The following SIGLEC10 variants were observed in gnomAD, a reference collection of about 807,000 sequenced individuals.
The protein encoded by SIGLEC10 is sialic acid-binding Ig-like lectin 10.
Under a neutral mutation model 68.3 loss-of-function variants are expected in SIGLEC10, and 45 were observed. The observed-to-expected ratio is 0.66, with a 90% CI of 0.52 to 0.84. The LOEUF (loss-of-function observed/expected upper bound fraction) is 0.84. Ranked by LOEUF, SIGLEC10 falls within the 40% of genes least tolerant of loss-of-function variation. The probability of loss-of-function intolerance (pLI) is 0.00; values close to 1 mark genes in which losing one functional copy is unlikely to be tolerated. For missense variants in SIGLEC10, 789 were observed against 883.1 expected, an observed-to-expected ratio of 0.89 and a Z score of 1.35; for synonymous variants, 379 against 370.8, an observed-to-expected ratio of 1.02 and a Z score of -0.26.
Position 51,417,003 on chromosome 19 carries a change from C to G in SIGLEC10, c.422-53G>C. The stretch of plus-strand genomic sequence containing the variant: ...CTTGTGCTGCAGGGGTCCCTGAGAG[C>G]CCTCTCTGCTCAGCCCATAGGCTGT... On this transcript the variant is annotated intron_variant, in intron 2 of 10. Coordinates refer to ENST00000339313, the MANE Select transcript of SIGLEC10 (RefSeq NM_033130.5). 8.8e-6 allele frequency: 14 copies of G among 1,592,588 alleles called. No homozygotes were observed. The South Asian group carries it at 1.4e-4, about 16-fold the overall frequency.
chr19:51,411,918 G>C (rs1037187265), intron 10 of SIGLEC10, among the ~76,000 whole-genome samples: 10 of 151,978 alleles, frequency 6.6e-5, no homozygotes, highest in African/African-American at 2.4e-4. Flanking sequence ...TGAGGCGGGT[G>C]GATCACCTGA....
At position 51,415,412 on chromosome 19, in the gene SIGLEC10, A is replaced by ACGTGC; in HGVS notation, c.1094_1098dup (p.Ser367AlafsTer26). The ACGTGC allele has an allele frequency of 1.2e-6, 2 of 1,605,796 alleles. No homozygotes were observed. Among genetic ancestry groups the ACGTGC allele is most frequent in the Non-Finnish European group, 1.7e-6 (2 of 1,175,248 alleles). ...CTTTGGCCCTCCAGTACTGGGAGAG[A>ACGTGC]CGTGCCGTTCCCAAGGTTTTCCAGG... On this transcript the variant is annotated frameshift_variant, in exon 7 of 11. Coordinates refer to ENST00000339313, the MANE Select transcript of SIGLEC10 (RefSeq NM_033130.5). LOFTEE classifies it high-confidence loss of function.
chr19:51,410,918 G>A lies in SIGLEC10; in HGVS notation c.*181C>T. On this transcript the variant is annotated 3_prime_UTR_variant, in exon 11 of 11. Transcript: ENST00000339313. ...CCCACCTCAACCTCCCAAAGTGCTG[G>A]GATTACAGGCGTGAGCCACTGTGCC... 1 of 688,418 alleles carries A rather than the reference G, an allele frequency of 1.5e-6. No individual in the cohort carries two copies. The highest frequency in any genetic ancestry group is 2.3e-6 in the Non-Finnish European group (1 of 432,136). The allele number at this position is 688,418 out of a possible 1,614,324, so 42.6% of individuals were successfully genotyped here.
Position 51,410,991 on chromosome 19 carries a change from AAAG to A in SIGLEC10, c.*105_*107del, listed in dbSNP as rs1987945868. 49 of 1,269,902 alleles carry A rather than the reference AAAG, an allele frequency of 3.9e-5. No individual in the cohort carries two copies. In the Middle Eastern group the frequency reaches 1.3e-3, roughly 35 times the overall value. The allele number at this position is 1,269,902 out of a possible 1,614,324, so 78.7% of individuals were successfully genotyped here. Reference sequence around the variant, plus strand: ...GAGAGAGAAAGAGAGAGAGAGAGAGAAAGAGAGAGAGAGAGGGAGAGAAGGAAA... The same window carrying A: ...GAGAGAGAAAGAGAGAGAGAGAGAGAAGAGAGAGAGAGGGAGAGAAGGAAA... On this transcript the variant is annotated 3_prime_UTR_variant, in exon 11 of 11. Transcript: ENST00000339313.
intron 5 of SIGLEC10, 111 bp downstream of exon 5, chr19:51,415,787 C>T (rs924952659): frequency 7.1e-5 from 112 of 1,578,794 alleles, no homozygotes; most frequent in Middle Eastern, 4.7e-4. Flanking sequence ...GTAAGAAGGT[C>T]GGTCTCCGAG....
chr19:51,411,667 G>A (rs11882726), intron 10 of SIGLEC10, among the ~76,000 whole-genome samples: 15,943 of 152,116 alleles, frequency 0.1, 1,271 homozygotes, highest in African/African-American at 0.22. Context: ...CCAACATAGC[G>A]AAACCCTGTC....
chr19:51,412,482 G>C (rs545174330), intron 10 of SIGLEC10, among the ~76,000 whole-genome samples: 16 of 151,740 alleles, frequency 1.1e-4, no homozygotes, highest in African/African-American at 3.6e-4. Flanking sequence ...GGTGGAATTA[G>C]TCTTTTTTTT....
At chr19:51,416,448 T>C in intron 3 of SIGLEC10, 91 bp from the exon 4 acceptor site, 1 of 1,611,308 alleles carries the variant, frequency 6.2e-7, no homozygotes, top group Non-Finnish European at 8.5e-7. Context: ...AGTGGGACTA[T>C]CCCGGGAAGA....
intron 5 of SIGLEC10, 44 bp downstream of exon 5, chr19:51,415,849 ATCCCT>A: frequency 6.2e-7 from 1 of 1,609,510 alleles, no homozygotes; most frequent in Non-Finnish European, 8.5e-7. Context: ...CAGCCCCTGT[ATCCCT>A]CTGCCCTCCC....
chr19:51,413,922 T>C (rs1225879170), intron 9 of SIGLEC10, 99 bp from the exon 10 acceptor site: 21 of 878,268 alleles, frequency 2.4e-5, no homozygotes, highest in Non-Finnish European at 3.4e-5. Context: ...GTTACTACTG[T>C]TACCACTTGA....
At position 51,411,072 on chromosome 19, in the gene SIGLEC10, G is replaced by A. The variant is rs1942472203; in HGVS notation, c.*27C>T. 6.3e-7 allele frequency: 1 copy of A among 1,598,884 alleles called. No homozygotes were observed. ...TACTCTACCTTCCTCCCTAGCCGAA[G>A]TCCCAGTCCTAAAGCCTAAGAGACC... On this transcript the variant is annotated 3_prime_UTR_variant, in exon 11 of 11. Transcript: ENST00000339313.
chr19:51,416,593 G>A (rs750150502), intron 3 of SIGLEC10, 73 bp downstream of exon 3: 1 of 1,603,522 alleles, frequency 6.2e-7, no homozygotes, highest in Admixed American at 1.7e-5. Context: ...GCCGCTCACT[G>A]TCCCACTGGG....
In SIGLEC10 at chr19:51,414,495, T is replaced by C. The variant is rs868527056; in HGVS notation, c.1636A>G (p.Thr546Ala). ...QLPDKKGLIS[T>A]AFSNGAFLGI... ...AGAAACGCTCCGTTGGAGAATGCCG[T>C]TGAGATGAGTCCCTTCTTATCTGCA... is the stretch of plus-strand genomic sequence containing the variant. The change falls in exon 9 of 11, where the codon ACG becomes GCG. Residue 546 changes from threonine to alanine, a missense_variant. Physicochemically the swap from Thr to Ala is moderately conservative, Grantham distance 58 (BLOSUM62 0). Coordinates refer to ENST00000339313, the MANE Select transcript of SIGLEC10 (RefSeq NM_033130.5). This position sits in a 1 kb window ranked among gnomAD's most constrained non-coding sequence, Gnocchi z 4.1. 1.2e-6 allele frequency: 2 copies of C among 1,613,890 alleles called. No individual in the cohort carries two copies. Among genetic ancestry groups the C allele is most frequent in the Middle Eastern group, 3.3e-4 (2 of 6,062 alleles).
Position 51,415,067 on chromosome 19 carries a change from C to T in SIGLEC10, c.1372G>A (p.Glu458Lys), listed in dbSNP as rs1239247707. The change falls in exon 8 of 11, where the codon GAG becomes AAG. Residue 458 changes from glutamate to lysine, a missense_variant. Physicochemically the swap from Glu to Lys is moderately conservative, Grantham distance 56. Transcript: ENST00000339313. The part of the protein sequence containing the change: ...LLGPSCSWEA[E>K]GLHCSCSSQA... ...GAGGAGCAGCTGCAGTGCAGACCCT[C>T]AGCCTCCCAGGAGCAGGAGGGGCCC... is the stretch of plus-strand genomic sequence containing the variant. 6.3e-7 allele frequency: 1 copy of T among 1,587,320 alleles called. No individual in the cohort carries two copies. Among genetic ancestry groups the T allele is most frequent in the Non-Finnish European group, 8.6e-7 (1 of 1,167,858 alleles).
rs1254318289 is a variant in SIGLEC10, at chr19:51,410,869, G to A, written c.*230C>T. On this transcript the variant is annotated 3_prime_UTR_variant, in exon 11 of 11. Transcript: ENST00000339313. ...TCACCAAGTTGGCCAGGCTGGTCTC[G>A]AACTCCCGACCTCAGGCGATCTGCC... is the stretch of plus-strand genomic sequence containing the variant. 2.5e-5 allele frequency: 11 copies of A among 440,656 alleles called. No individual in the cohort carries two copies. The highest frequency in any genetic ancestry group is 3.7e-5 in the Admixed American group (1 of 27,088). The allele number at this position is 440,656 out of a possible 1,614,324, so 27.3% of individuals were successfully genotyped here.
rs1202925158 is a variant in SIGLEC10 at position 51,416,902 on chromosome 19, C to G, written c.470G>C (p.Gly157Ala). The G allele has an allele frequency of 6.2e-7, 1 of 1,613,958 alleles. No individual in the cohort carries two copies. The highest frequency in any genetic ancestry group is 8.5e-7 in the Non-Finnish European group (1 of 1,179,992). The change falls in exon 3 of 11, where the codon GGG (glycine) becomes GCG (alanine). Residue 157 changes from glycine to alanine, a missense_variant. Gly to Ala is a moderately conservative substitution (Grantham distance 60). Transcript: ENST00000339313. ...DVYIPETLEP[G>A]QPVTVICVFN... ...CACACAGATGACCGTCACCGGCTGC[C>G]CGGGCTCCAGGGTCTCGGGGATGTA...
chr19:51,414,736 C>G lies in SIGLEC10; in HGVS notation c.1615+88G>C. ...GATGCCACGGGTCTGCTGTGTCCCT[C>G]CAAGCTCCTGCTCCAACCACAGGAC... On this transcript the variant is annotated intron_variant, in intron 8 of 10. Coordinates refer to ENST00000339313, the MANE Select transcript of SIGLEC10 (RefSeq NM_033130.5). This position sits in a 1 kb window ranked among gnomAD's most constrained non-coding sequence, Gnocchi z 4.1. 6.3e-7 allele frequency: 1 copy of G among 1,585,712 alleles called. No individual in the cohort carries two copies. Among genetic ancestry groups the G allele is most frequent in the Non-Finnish European group, 8.6e-7 (1 of 1,165,838 alleles).
chr19:51,414,120 G>A lies in SIGLEC10; in HGVS notation c.1710-297C>T, dbSNP rs1007678450. Among the ~76,000 whole-genome samples the A allele has an allele frequency of 6.6e-6, 1 of 152,184 alleles. No homozygotes were observed. The highest frequency in any genetic ancestry group is 2.4e-5 in the African/African-American group (1 of 41,444). On this transcript the variant is annotated intron_variant, in intron 9 of 10. Coordinates refer to ENST00000339313, the MANE Select transcript of SIGLEC10 (RefSeq NM_033130.5). The surrounding 1 kb of genome is among the most constrained non-coding windows in gnomAD (Gnocchi z 4.1). ...TGGGTAGAAAGAGCAGAGAGCAGGAGGTAACAATTGGTCAGCTGTTTAATT... is the reference window on the plus strand; with the variant it reads ...TGGGTAGAAAGAGCAGAGAGCAGGAAGTAACAATTGGTCAGCTGTTTAATT...
At position 51,415,983 on chromosome 19, in the gene SIGLEC10, C is replaced by T. The variant is rs199590261; in HGVS notation, c.939G>A (p.Val313=). 12,010 of 1,600,040 alleles carry T rather than the reference C, an allele frequency of 7.5e-3. 112 individuals carry two copies. Among genetic ancestry groups the T allele is most frequent in the Middle Eastern group, 0.01 (58 of 5,646 alleles). Residue 313 remains valine, a synonymous_variant, in exon 5 of 11, where the codon GTG becomes GTA. Transcript: ENST00000339313. The part of the protein sequence containing the change: ...PRPLGLELPG[V]KAGDSGRYTC... ...TGTAGCGCCCTGAATCCCCAGCCTT[C>T]ACCCCGGGCAGCTCCAGCCCCAGGG... is the stretch of plus-strand genomic sequence containing the variant.
Sources: allele counts gnomAD v4.1 joint callset (sites outside exome capture counted in the v4.1 genomes callset), GRCh38; gene constraint gnomAD v4.1.1; non-coding constraint Gnocchi (gnomAD v3.1); transcripts MANE v1.5; gene names NCBI Gene and HGNC (gene_info 2026-07-23, HGNC 2026-07-21).